MBOAT2: variants seen among roughly 807,000 people sequenced by gnomAD.
The protein encoded by MBOAT2 is membrane bound glycerophospholipid O-acyltransferase 2.
Under a neutral mutation model 63.4 loss-of-function variants are expected in MBOAT2, and 28 were observed. The observed-to-expected ratio is 0.44, with a 90% CI of 0.33 to 0.61. The LOEUF (loss-of-function observed/expected upper bound fraction) is 0.61. Among genes scored for constraint, MBOAT2 ranks in the 20% least tolerant of loss-of-function variants. MBOAT2 has a pLI of 0.03. For synonymous variants in MBOAT2, 211 were observed against 215.6 expected (o/e 0.98, Z 0.19); for missense variants, 470 against 605.8 (o/e 0.78, Z 2.35).
intron 2 of MBOAT2, among the ~76,000 whole-genome samples, chr2:8,944,672 C>CAT (rs1668288165): frequency 6.6e-6 from 1 of 151,938 alleles, no homozygotes; most frequent in Non-Finnish European, 1.5e-5. Context: ...CACACACACA[C>CAT]ACACACACAC....
At chr2:8,981,246 G>C (rs902772707) in intron 1 of MBOAT2, among the ~76,000 whole-genome samples, 2 of 152,282 alleles carry the variant, frequency 1.3e-5, no homozygotes, top group East Asian at 3.9e-4. Flanking sequence ...TTCCAGGTTA[G>C]ACAGCAGTGA....
At chr2:8,945,648 G>C (rs1417072403) in intron 2 of MBOAT2, among the ~76,000 whole-genome samples, 4 of 152,114 alleles carry the variant, frequency 2.6e-5, no homozygotes, top group Non-Finnish European at 5.9e-5. Flanking sequence ...GATTCTCTAA[G>C]GAATGCAGCC....
At chr2:8,914,104 T>C (rs947342255) in intron 3 of MBOAT2, among the ~76,000 whole-genome samples, 2 of 152,156 alleles carry the variant, frequency 1.3e-5, no homozygotes, top group African/African-American at 4.8e-5. Flanking sequence ...TTCTGATATG[T>C]GGGAGCTAAG....
Position 8,855,505 on chromosome 2 carries a change from G to A in MBOAT2, c.*3174C>T, listed in dbSNP as rs191364130. The A allele has an allele frequency of 3.3e-5, 5 of 152,342 alleles. 1 individual carries two copies. The South Asian group carries it at 6.2e-4, about 19-fold the overall frequency. The allele number at this position is 152,342 out of a possible 1,614,324, so 9.4% of individuals were successfully genotyped here. On this transcript the variant is annotated 3_prime_UTR_variant, in exon 13 of 13. Coordinates refer to ENST00000305997, the MANE Select transcript of MBOAT2 (RefSeq NM_138799.4). ...AAATCCTGTGTGTGTCACACATGGT[G>A]GAGACCAATAAATATATTTTTGAAG...
At chr2:8,995,630 A>T (rs1052049624) in intron 1 of MBOAT2, among the ~76,000 whole-genome samples, 1 of 137,816 alleles carries the variant, frequency 7.3e-6, no homozygotes, top group African/African-American at 2.9e-5. Context: ...TCGCTCTGTC[A>T]CCCAGGCTGG....
intron 3 of MBOAT2, among the ~76,000 whole-genome samples, chr2:8,936,263 A>T (rs1667654371): frequency 6.6e-6 from 1 of 152,162 alleles, no homozygotes; most frequent in Non-Finnish European, 1.5e-5. Flanking sequence ...TTCCCAACTC[A>T]ACTGTTCATT....
intron 4 of MBOAT2, among the ~76,000 whole-genome samples, chr2:8,892,558 C>A (rs953608456): frequency 6.6e-6 from 1 of 152,180 alleles, no homozygotes; most frequent in Non-Finnish European, 1.5e-5. Context: ...AGGCCAAGTC[C>A]TTGCTGCTAT....
chr2:8,972,210 A>T (rs1220201272), intron 1 of MBOAT2, among the ~76,000 whole-genome samples: 2 of 152,144 alleles, frequency 1.3e-5, no homozygotes, highest in Non-Finnish European at 2.9e-5. Context: ...CAGAAATAAT[A>T]CCACACATCT....
chr2:8,996,065 A>G (rs1442093954), intron 1 of MBOAT2, among the ~76,000 whole-genome samples: 2 of 152,222 alleles, frequency 1.3e-5, no homozygotes, highest in Admixed American at 6.5e-5. Context: ...TACACTTTTA[A>G]TAACAATCCA....
At chr2:8,979,464 T>C (rs1671054153) in intron 1 of MBOAT2, among the ~76,000 whole-genome samples, 1 of 152,142 alleles carries the variant, frequency 6.6e-6, no homozygotes, top group African/African-American at 2.4e-5. Flanking sequence ...AAATAATCAC[T>C]GGGATGTGCA....
intron 1 of MBOAT2, among the ~76,000 whole-genome samples, chr2:8,962,136 T>G (rs1442088317): frequency 2.0e-5 from 3 of 152,186 alleles, no homozygotes; most frequent in Non-Finnish European, 4.4e-5. Flanking sequence ...TCTAAGCACC[T>G]TACATTTATA....
At chr2:8,892,491 G>A (rs896830935) in intron 4 of MBOAT2, among the ~76,000 whole-genome samples, 3 of 152,124 alleles carry the variant, frequency 2.0e-5, no homozygotes, top group African/African-American at 7.2e-5. Context: ...TAATTAATGA[G>A]CACCTACGAT....
At chr2:8,987,141 GA>G (rs1402302381) in intron 1 of MBOAT2, among the ~76,000 whole-genome samples, 5 of 152,168 alleles carry the variant, frequency 3.3e-5, no homozygotes, top group African/African-American at 1.2e-4. Flanking sequence ...TAAACAAGAG[GA>G]AAAACCGGAT....
At chr2:8,904,100 C>T (rs929090862) in intron 4 of MBOAT2, among the ~76,000 whole-genome samples, 10 of 151,936 alleles carry the variant, frequency 6.6e-5, no homozygotes, top group African/African-American at 1.9e-4. Context: ...CCTCAGCCTC[C>T]GAAGAAACTG....
chr2:8,909,100 T>A (rs1665527497), intron 3 of MBOAT2, among the ~76,000 whole-genome samples: 2 of 152,176 alleles, frequency 1.3e-5, no homozygotes, highest in African/African-American at 4.8e-5. Context: ...CTTAATAGAA[T>A]TTTGAAAAAA....
At chr2:8,928,345 G>A (rs1667077069) in intron 3 of MBOAT2, among the ~76,000 whole-genome samples, 1 of 152,104 alleles carries the variant, frequency 6.6e-6, no homozygotes, top group Admixed American at 6.6e-5. Context: ...AAGTGAGGGT[G>A]CAGAAACATG....
chr2:8,878,566 CAAACTCCTGAGCTCA>C (rs1662873214), intron 6 of MBOAT2, among the ~76,000 whole-genome samples: 1 of 152,202 alleles, frequency 6.6e-6, no homozygotes, highest in South Asian at 2.1e-4. Flanking sequence ...AGGCTGGACT[CAAACTCCTGAGCTCA>C]AGCAATCCTT....
At chr2:8,868,398 T>C in intron 9 of MBOAT2, 48 bp downstream of exon 9, 1 of 1,507,126 alleles carries the variant, frequency 6.6e-7, no homozygotes, top group Non-Finnish European at 9.2e-7. Flanking sequence ...GAAAGCAAAC[T>C]ATGGTACTTA....
chr2:8,919,117 T>C (rs1666392111), intron 3 of MBOAT2, among the ~76,000 whole-genome samples: 1 of 152,258 alleles, frequency 6.6e-6, no homozygotes, highest in African/African-American at 2.4e-5. Flanking sequence ...TGGTATTCCA[T>C]TGTATGGACA....
Sources: allele counts gnomAD v4.1 joint callset (sites outside exome capture counted in the v4.1 genomes callset), GRCh38; gene constraint gnomAD v4.1.1; transcripts MANE v1.5; gene names NCBI Gene and HGNC (gene_info 2026-07-23, HGNC 2026-07-21).